SHISA7: variants seen among roughly 807,000 people sequenced by gnomAD.
SHISA7 encodes the protein shisa family member 7, also known as protein shisa-7.
Under a neutral mutation model 23.9 loss-of-function variants are expected in SHISA7, and 6 were observed. The observed-to-expected ratio is 0.25, with a 90% CI of 0.14 to 0.50. The LOEUF is 0.50. Among genes scored for constraint, SHISA7 ranks in the 20% least tolerant of loss-of-function variants. SHISA7 has a pLI of 0.98. For missense variants in SHISA7, 671 were observed against 801.1 expected, an observed-to-expected ratio of 0.84 and a Z score of 1.96; for synonymous variants, 386 against 398.3, an observed-to-expected ratio of 0.97 and a Z score of 0.37.
chr19:55,443,125 A>G lies in SHISA7; in HGVS notation c.-262T>C, dbSNP rs1985634136. Among the ~76,000 whole-genome samples, 1 of 148,042 alleles carries G rather than the reference A, an allele frequency of 6.8e-6. No homozygotes were observed. The highest frequency in any genetic ancestry group is 2.1e-4 in the East Asian group (1 of 4,790). On this transcript the variant is annotated 5_prime_UTR_variant, in exon 1 of 4. Coordinates refer to ENST00000376325, the MANE Select transcript of SHISA7 (RefSeq NM_001145176.2). ...GGGCGACGATGGGAGAGTAATGGAAACGCGCCCGGGCACGGCTGGGGGAGA... is the reference window on the plus strand; with the variant it reads ...GGGCGACGATGGGAGAGTAATGGAAGCGCGCCCGGGCACGGCTGGGGGAGA...
At chr19:55,440,541 A>G in intron 2 of SHISA7, 70 bp downstream of exon 2, 3 of 1,235,854 alleles carry the variant, frequency 2.4e-6, no homozygotes, top group Admixed American at 4.2e-5. Flanking sequence ...GCCGCCATGG[A>G]GGGCGGGGCT....
rs1171401023 is a variant in SHISA7 at position 55,435,335 on chromosome 19, TGTGTGTATG to T, written c.977-1548_977-1540del. Among the ~76,000 whole-genome samples the T allele has an allele frequency of 1.5e-3, 193 of 129,908 alleles. 1 individual carries two copies. The highest frequency in any genetic ancestry group is 2.4e-3 in the South Asian group (9 of 3,736). 85.2% of individuals were successfully genotyped at this position (129,908 alleles called of 152,430 possible). On this transcript the variant is annotated intron_variant, in intron 3 of 3. Transcript: ENST00000376325. ...GGTGTGTGTGTGGGTGTGTGTGGTG[TGTGTGTATG>T]GTGTGTATGGTGTGTGTGTGGTGTG...
chr19:55,437,824 C>T (rs1399589180), intron 2 of SHISA7, 70 bp from the exon 3 acceptor site: 5 of 1,486,680 alleles, frequency 3.4e-6, no homozygotes, highest in Non-Finnish European at 4.5e-6. Flanking sequence ...AGGCCCCCAG[C>T]CCCTGCTCCA....
chr19:55,443,132 C>T lies in SHISA7; in HGVS notation c.-269G>A, dbSNP rs1479077281. On this transcript the variant is annotated 5_prime_UTR_variant, in exon 1 of 4. Transcript: ENST00000376325. ...GATGGGAGAGTAATGGAAACGCGCCCGGGCACGGCTGGGGGAGAGAAATGA... is the reference window on the plus strand; with the variant it reads ...GATGGGAGAGTAATGGAAACGCGCCTGGGCACGGCTGGGGGAGAGAAATGA... Among the ~76,000 whole-genome samples, 1 of 151,126 alleles carries T rather than the reference C, an allele frequency of 6.6e-6. No individual in the cohort carries two copies. The highest frequency in any genetic ancestry group is 1.5e-5 in the Non-Finnish European group (1 of 67,820).
chr19:55,435,412 G>GGGTGTGTGTT (rs1568451342), intron 3 of SHISA7, among the ~76,000 whole-genome samples: 17 of 116,632 alleles, frequency 1.5e-4, no homozygotes, highest in South Asian at 1.3e-3. Context: ...TGTGTGTTGT[G>GGGTGTGTGTT]TGTGTGTGTG....
intron 1 of SHISA7, among the ~76,000 whole-genome samples, chr19:55,441,871 T>C (rs763646459): frequency 1.3e-5 from 2 of 152,218 alleles, no homozygotes; most frequent in Non-Finnish European, 2.9e-5. Flanking sequence ...GATTTGGAAG[T>C]CAGGCTTTTC....
chr19:55,437,786 C>A (rs1237335163), intron 2 of SHISA7, 32 bp from the exon 3 acceptor site: 6 of 1,536,208 alleles, frequency 3.9e-6, no homozygotes, highest in Non-Finnish European at 5.3e-6. Context: ...CAGGGTCAGT[C>A]AGCTTCCTCC....
At chr19:55,438,393 G>A (rs1432958799) in intron 2 of SHISA7, among the ~76,000 whole-genome samples, 1 of 152,198 alleles carries the variant, frequency 6.6e-6, no homozygotes, top group Admixed American at 6.5e-5. Context: ...GCATCCACAC[G>A]AGGAAACAGG....
chr19:55,429,075 T>A lies in SHISA7; in HGVS notation c.*4081A>T, dbSNP rs1985104029. 6.6e-6 allele frequency: 1 copy of A among 152,184 alleles called. No homozygotes were observed. The highest frequency in any genetic ancestry group is 1.9e-4 in the East Asian group (1 of 5,188). 9.4% of individuals were successfully genotyped at this position (152,184 alleles called of 1,614,324 possible). A position where few individuals can be genotyped will look rare whatever the true frequency, so the allele number is the denominator to read the frequency against. On this transcript the variant is annotated 3_prime_UTR_variant, in exon 4 of 4. Coordinates refer to ENST00000376325, the MANE Select transcript of SHISA7 (RefSeq NM_001145176.2). Reference sequence around the variant, plus strand: ...GCTCAAGACATGTGGAGGGGAATTGTCAGTACACACCTGCTCCCACCCCTC... The same window carrying A: ...GCTCAAGACATGTGGAGGGGAATTGACAGTACACACCTGCTCCCACCCCTC...
Position 55,436,202 on chromosome 19 carries a change from G to C in SHISA7, c.976+1403C>G, listed in dbSNP as rs1767431698. ...CTCTGGAGACTGAGGCAGGAGAATC[G>C]CTTGAGCCCAGGAGGCAGAGGTTGC... On this transcript the variant is annotated intron_variant, in intron 3 of 3. Transcript: ENST00000376325. Among the ~76,000 whole-genome samples, 3 of 147,760 alleles carry C rather than the reference G, an allele frequency of 2.0e-5. No individual in the cohort carries two copies. In the South Asian group the frequency reaches 6.6e-4, roughly 33 times the overall value.
intron 1 of SHISA7, among the ~76,000 whole-genome samples, 178 bp downstream of exon 1, chr19:55,442,015 G>A (rs567852512): frequency 1.3e-5 from 2 of 152,298 alleles, no homozygotes; most frequent in East Asian, 3.9e-4. Flanking sequence ...CGCAACAGCC[G>A]GGCCGGCTCT....
intron 1 of SHISA7, 141 bp downstream of exon 1, chr19:55,442,052 C>A: frequency 1.2e-6 from 1 of 839,932 alleles, no homozygotes; most frequent in Admixed American, 3.2e-5. Context: ...CCCCTGCCCA[C>A]CTTCAGCTAC....
At chr19:55,442,069 G>T (rs889736232) in intron 1 of SHISA7, 124 bp downstream of exon 1, 4 of 989,648 alleles carry the variant, frequency 4.0e-6, no homozygotes, top group Non-Finnish European at 5.6e-6. Flanking sequence ...CTACGCCGGC[G>T]GCCGCCACCT....
chr19:55,442,925 A>G lies in SHISA7; in HGVS notation c.-62T>C. 1 of 997,592 alleles carries G rather than the reference A, an allele frequency of 1.0e-6. No individual in the cohort carries two copies. The highest frequency in any genetic ancestry group is 1.2e-6 in the Non-Finnish European group (1 of 831,492). The allele number at this position is 997,592 out of a possible 1,614,324, so 61.8% of individuals were successfully genotyped here. A position where few individuals can be genotyped will look rare whatever the true frequency, so the allele number is the denominator to read the frequency against. On this transcript the variant is annotated 5_prime_UTR_variant, in exon 1 of 4. Coordinates refer to ENST00000376325, the MANE Select transcript of SHISA7 (RefSeq NM_001145176.2). ...CGGGGAGAACGAGAGCAGAGGTTGG[A>G]GCGCTGGGCGGGAGAGAAACGGTCA... is the stretch of plus-strand genomic sequence containing the variant.
At chr19:55,440,415 G>A (rs1410288212) in intron 2 of SHISA7, among the ~76,000 whole-genome samples, 196 bp downstream of exon 2, 1 of 152,246 alleles carries the variant, frequency 6.6e-6, no homozygotes, top group Non-Finnish European at 1.5e-5. Context: ...GGAGGGCAAG[G>A]AGAGGGTCTG....
Position 55,431,833 on chromosome 19 carries a change from G to A in SHISA7, c.*1323C>T, listed in dbSNP as rs1421373578. 6.6e-6 allele frequency: 1 copy of A among 152,198 alleles called. No homozygotes were observed. Among genetic ancestry groups the A allele is most frequent in the East Asian group, 1.9e-4 (1 of 5,192 alleles). The allele number at this position is 152,198 out of a possible 1,614,324, so 9.4% of individuals were successfully genotyped here. On this transcript the variant is annotated 3_prime_UTR_variant, in exon 4 of 4. Coordinates refer to ENST00000376325, the MANE Select transcript of SHISA7 (RefSeq NM_001145176.2). ...TCCTGGTGATCCAGAGTGGCCTCCT[G>A]GGAGCAGAAGGCCATCTGGAGGTCC...
chr19:55,437,490 C>T, intron 3 of SHISA7, 115 bp downstream of exon 3: 1 of 1,314,004 alleles, frequency 7.6e-7, no homozygotes, highest in Non-Finnish European at 1.0e-6. Flanking sequence ...GGAGTAAAAC[C>T]TGGGAGAGAA....
chr19:55,439,359 C>T (rs959455610), intron 2 of SHISA7, among the ~76,000 whole-genome samples: 3 of 152,200 alleles, frequency 2.0e-5, no homozygotes, highest in African/African-American at 4.8e-5. Context: ...ATCCCAGCTC[C>T]GTCCTTGTCC....
Position 55,433,459 on chromosome 19 carries a change from G to A in SHISA7, c.1314C>T (p.Pro438=). 1.5e-6 allele frequency: 2 copies of A among 1,364,048 alleles called. No homozygotes were observed. Among genetic ancestry groups the A allele is most frequent in the Non-Finnish European group, 9.4e-7 (1 of 1,065,850 alleles). 84.5% of individuals were successfully genotyped at this position (1,364,048 alleles called of 1,614,324 possible). ...LLSPPRSPAL[P]PDPTARASLA... ...GGCTGGCCCGGGCGGTGGGGTCGGG[G>A]GGCAGCGCGGGGCTGCGCGGGGGCG... The change falls in exon 4 of 4, where the codon CCC becomes CCT. Residue 438 remains proline (P), a synonymous_variant. Transcript: ENST00000376325. The surrounding 1 kb of genome is among the most constrained non-coding windows in gnomAD (Gnocchi z 8.4).
Sources: gnomAD v4.1 joint callset for allele counts (sites outside exome capture counted in the v4.1 genomes callset) on GRCh38, gnomAD v4.1.1 for gene constraint, Gnocchi (gnomAD v3.1) non-coding constraint, MANE v1.5 for transcripts, NCBI Gene and HGNC (gene_info 2026-07-23, HGNC 2026-07-21) for gene names.